GPC6: variants seen among roughly 807,000 people sequenced by gnomAD.
GPC6 encodes glypican-6.
GPC6 carries 14 observed loss-of-function variants against 55.2 expected under a neutral mutation model. That is an observed-to-expected ratio of 0.25 (90% CI 0.17 to 0.40). The LOEUF is 0.40. Among genes scored for constraint, GPC6 ranks in the 10% least tolerant of loss-of-function variants. GPC6 has a pLI of 1.00. For missense variants in GPC6, 641 were observed against 708.5 expected (o/e 0.90, Z 1.08); for synonymous variants, 278 against 259.6 (o/e 1.07, Z -0.68).
At chr13:94,224,865 C>T (rs188598407) in intron 4 of GPC6, among the ~76,000 whole-genome samples, 13 of 152,218 alleles carry the variant, frequency 8.5e-5, no homozygotes, top group African/African-American at 3.1e-4. Flanking sequence ...GAATGACTGC[C>T]ACCTCTTGGT....
chr13:93,271,128 A>G (rs1200436370), intron 1 of GPC6, among the ~76,000 whole-genome samples: 2 of 152,180 alleles, frequency 1.3e-5, no homozygotes. Context: ...CTCCTTCCCT[A>G]GGTAGAATTG....
At chr13:93,687,838 C>T (rs947956986) in intron 2 of GPC6, among the ~76,000 whole-genome samples, 46 of 151,784 alleles carry the variant, frequency 3.0e-4, no homozygotes, top group Non-Finnish European at 5.7e-4. Flanking sequence ...CCTTTCATCC[C>T]TTCCGTATAT....
intron 4 of GPC6, among the ~76,000 whole-genome samples, chr13:94,189,867 A>T (rs1177710383): frequency 2.6e-5 from 4 of 151,962 alleles, no homozygotes; most frequent in Non-Finnish European, 5.9e-5. Context: ...TAAAAATACA[A>T]AAAATTGGCC....
intron 2 of GPC6, among the ~76,000 whole-genome samples, chr13:93,686,666 T>C (rs1882058958): frequency 6.6e-6 from 1 of 152,182 alleles, no homozygotes; most frequent in African/African-American, 2.4e-5. Flanking sequence ...AATCATTCTT[T>C]TTAAGGAATT....
At chr13:94,378,073 C>A (rs1452854083) in intron 6 of GPC6, among the ~76,000 whole-genome samples, 2 of 152,148 alleles carry the variant, frequency 1.3e-5, no homozygotes, top group African/African-American at 4.8e-5. Flanking sequence ...TGAGGGATAG[C>A]ATTGGGAGAT....
intron 6 of GPC6, among the ~76,000 whole-genome samples, chr13:94,372,571 G>C (rs970102264): frequency 6.6e-6 from 1 of 152,074 alleles, no homozygotes; most frequent in Non-Finnish European, 1.5e-5. Flanking sequence ...CTACGCCCAC[G>C]GAGTCTCGCT....
At chr13:93,362,711 G>T (rs932745733) in intron 1 of GPC6, among the ~76,000 whole-genome samples, 3 of 152,016 alleles carry the variant, frequency 2.0e-5, no homozygotes, top group Admixed American at 6.6e-5. Flanking sequence ...AGGGTTTGAG[G>T]TGAGGTCTTA....
intron 4 of GPC6, among the ~76,000 whole-genome samples, chr13:94,206,594 C>T (rs914487171): frequency 6.6e-6 from 1 of 152,124 alleles, no homozygotes; most frequent in Non-Finnish European, 1.5e-5. Flanking sequence ...CAGCTCACAC[C>T]TGTAATCCTA....
chr13:93,955,744 G>T (rs548407610), intron 3 of GPC6, among the ~76,000 whole-genome samples: 1 of 152,026 alleles, frequency 6.6e-6, no homozygotes, highest in African/African-American at 2.4e-5. Flanking sequence ...ATATTATTTC[G>T]GGTAGGGTAA....
At chr13:93,224,606 A>G (rs545752889), upstream of GPC6, among the ~76,000 whole-genome samples, 4 of 152,138 alleles carry the variant, frequency 2.6e-5, no homozygotes, top group South Asian at 8.3e-4. Flanking sequence ...TCTAAACCAG[A>G]TGCCTGCTCC....
chr13:94,064,475 C>T (rs1884446350), intron 4 of GPC6, among the ~76,000 whole-genome samples: 1 of 152,018 alleles, frequency 6.6e-6, no homozygotes, highest in South Asian at 2.1e-4. Flanking sequence ...TAATTTTAGA[C>T]AGAGAAAGAA....
intron 1 of GPC6, among the ~76,000 whole-genome samples, chr13:93,526,233 G>A (rs1388480366): frequency 2.0e-5 from 3 of 151,904 alleles, no homozygotes; most frequent in African/African-American, 7.3e-5. Context: ...CCATACATCA[G>A]GGTGCATTAG....
chr13:93,521,565 AC>A (rs1312551686), intron 1 of GPC6, among the ~76,000 whole-genome samples: 1 of 152,084 alleles, frequency 6.6e-6, no homozygotes, highest in African/African-American at 2.4e-5. Context: ...TGAACTGTCT[AC>A]AATGCCTGCC....
chr13:93,858,725 C>T (rs1888709612), intron 3 of GPC6, among the ~76,000 whole-genome samples: 1 of 151,496 alleles, frequency 6.6e-6, no homozygotes, highest in Non-Finnish European at 1.5e-5. Context: ...TCAAATTAGC[C>T]ATGCAGAGCT....
intron 4 of GPC6, among the ~76,000 whole-genome samples, chr13:94,082,783 A>G (rs189637434): frequency 6.5e-4 from 99 of 152,312 alleles, no homozygotes; most frequent in African/African-American, 2.3e-3. Context: ...AACTTCCCCC[A>G]GATCCTCAGC....
chr13:93,428,778 C>T (rs1001798467), intron 1 of GPC6, among the ~76,000 whole-genome samples: 6 of 152,122 alleles, frequency 3.9e-5, no homozygotes, highest in Non-Finnish European at 7.4e-5. Flanking sequence ...CTCTTCTTCC[C>T]TATACCTCAT....
At chr13:93,242,336 T>C (rs886454139) in intron 1 of GPC6, among the ~76,000 whole-genome samples, 5 of 152,290 alleles carry the variant, frequency 3.3e-5, no homozygotes, top group Non-Finnish European at 7.4e-5. Flanking sequence ...CCTATCATCC[T>C]CCTGTCCCAG....
At chr13:93,731,963 G>C (rs1344435734) in intron 2 of GPC6, among the ~76,000 whole-genome samples, 1 of 152,144 alleles carries the variant, frequency 6.6e-6, no homozygotes, top group African/African-American at 2.4e-5. Context: ...CTTCATCTCT[G>C]TATTCCCAGC....
At chr13:93,571,682 A>G (rs1337453805) in intron 2 of GPC6, among the ~76,000 whole-genome samples, 2 of 152,132 alleles carry the variant, frequency 1.3e-5, no homozygotes, top group African/African-American at 4.8e-5. Context: ...TGATTAACAC[A>G]TTGTTTTTCT....
Sources: allele counts gnomAD v4.1 joint callset (sites outside exome capture counted in the v4.1 genomes callset), GRCh38; gene constraint gnomAD v4.1.1; transcripts MANE v1.5; gene names NCBI Gene and HGNC (gene_info 2026-07-23, HGNC 2026-07-21).